TRAPPC6B: variants seen among roughly 807,000 people sequenced by gnomAD.
TRAPPC6B encodes the protein TRAPP complex subunit 6B.
TRAPPC6B carries 27 observed loss-of-function variants against 24.7 expected under a neutral mutation model. The observed-to-expected ratio is 1.09, with a 90% CI of 0.81 to 1.51. TRAPPC6B has a LOEUF of 1.51. TRAPPC6B is among the 40% of genes most tolerant of loss of function. The pLI is 0.00. For synonymous variants in TRAPPC6B, 80 were observed against 66.6 expected (o/e 1.20, Z -0.98); for missense variants, 212 against 190.8 (o/e 1.11, Z -0.66).
At position 39,150,194 on chromosome 14, in the gene TRAPPC6B, T is replaced by A; in HGVS notation, c.*156A>T. The stretch of plus-strand genomic sequence containing the variant: ...GTTAAGTGTATGTCATGGCAGAATG[T>A]CCCTTCATCTCCTTTGATCTGTGTT... On this transcript the variant is annotated 3_prime_UTR_variant, in exon 6 of 6. Coordinates refer to ENST00000330149, the MANE Select transcript of TRAPPC6B (RefSeq NM_001079537.2). 1.6e-6 allele frequency: 1 copy of A among 624,022 alleles called. No homozygotes were observed. The allele number at this position is 624,022 out of a possible 1,614,324, so 38.7% of individuals were successfully genotyped here.
chr14:39,157,285 G>C (rs1347118868), intron 3 of TRAPPC6B: 1 of 375,926 alleles, frequency 2.7e-6, no homozygotes, highest in Non-Finnish European at 5.1e-6. Context: ...GCAGCTGAAA[G>C]TGCCTCCTAC....
chr14:39,169,940 G>T, intron 1 of TRAPPC6B, 75 bp downstream of exon 1: 1 of 1,471,148 alleles, frequency 6.8e-7, no homozygotes, highest in Non-Finnish European at 9.5e-7. Context: ...ATGGGACAGG[G>T]GTTGAAGGAA....
chr14:39,161,618 A>T (rs7147760), intron 1 of TRAPPC6B, among the ~76,000 whole-genome samples: 129,425 of 152,134 alleles, frequency 0.85, 56,126 homozygotes, highest in East Asian at 0.95. Flanking sequence ...AAGCTCGCTC[A>T]CTCCGTGTCT....
intron 5 of TRAPPC6B, among the ~76,000 whole-genome samples, chr14:39,150,956 A>C (rs185945702): frequency 7.0e-4 from 106 of 152,348 alleles, no homozygotes; most frequent in African/African-American, 2.4e-3. Flanking sequence ...TAAATTGAAA[A>C]GAAATACAAT....
chr14:39,151,270 G>A (rs1472762468), intron 5 of TRAPPC6B, among the ~76,000 whole-genome samples: 1 of 151,220 alleles, frequency 6.6e-6, no homozygotes, highest in Non-Finnish European at 1.5e-5. Flanking sequence ...GGCAACTGTA[G>A]TCCCAGCTAC....
chr14:39,150,797 A>G (rs1328413946), intron 5 of TRAPPC6B, among the ~76,000 whole-genome samples: 1 of 152,004 alleles, frequency 6.6e-6, no homozygotes, highest in East Asian at 1.9e-4. Flanking sequence ...TCGGCCTCCC[A>G]AAGTGCTGAG....
intron 1 of TRAPPC6B, among the ~76,000 whole-genome samples, chr14:39,168,229 A>AC (rs1491372620): frequency 7.0e-6 from 1 of 143,562 alleles, no homozygotes; most frequent in Non-Finnish European, 1.6e-5. Flanking sequence ...AAAAAAAAAA[A>AC]AGAGAGAGAG....
chr14:39,151,282 C>T (rs1210172243), intron 5 of TRAPPC6B, among the ~76,000 whole-genome samples: 1 of 148,088 alleles, frequency 6.8e-6, no homozygotes, highest in Non-Finnish European at 1.5e-5. Flanking sequence ...CCCAGCTACT[C>T]GGGAGGTTGA....
Position 39,158,398 on chromosome 14 carries a change from T to A in TRAPPC6B, c.154A>T (p.Thr52Ser). ...TCCTTGAACCTTGCAGTATCTTTTG[T>A]AAACCTAAAAAGATCAACTAGAAGT... Reference protein sequence around the residue: ...RVGQGLIERFTKDTARFKDEL... With the variant: ...RVGQGLIERFSKDTARFKDEL... Residue 52 changes from threonine to serine, a missense_variant, in exon 3 of 6, where the codon ACA (threonine) becomes TCA (serine). Transcript: ENST00000330149. 1 of 1,561,746 alleles carries A rather than the reference T, an allele frequency of 6.4e-7. No homozygotes were observed. Among genetic ancestry groups the A allele is most frequent in the Non-Finnish European group, 8.7e-7 (1 of 1,150,910 alleles).
At chr14:39,156,374 A>G (rs1443293238) in intron 3 of TRAPPC6B, among the ~76,000 whole-genome samples, 1 of 152,208 alleles carries the variant, frequency 6.6e-6, no homozygotes, top group Non-Finnish European at 1.5e-5. Flanking sequence ...AGATACATTT[A>G]ATTTTTTACT....
intron 3 of TRAPPC6B, chr14:39,157,599 T>C (rs1225720891): frequency 3.2e-5 from 12 of 371,762 alleles, no homozygotes; most frequent in Non-Finnish European, 5.7e-5. Flanking sequence ...TGGGGGTCCC[T>C]TACCGCATTA....
chr14:39,150,450 C>A, intron 5 of TRAPPC6B, 69 bp from the exon 6 acceptor site: 1 of 1,174,244 alleles, frequency 8.5e-7, no homozygotes, highest in South Asian at 1.4e-5. Flanking sequence ...CATCAATTTT[C>A]TGTTCCATAT....
At chr14:39,160,288 A>G (rs1019121774) in intron 1 of TRAPPC6B, among the ~76,000 whole-genome samples, 2 of 152,054 alleles carry the variant, frequency 1.3e-5, no homozygotes, top group Non-Finnish European at 2.9e-5. Flanking sequence ...TTTAATAGAA[A>G]CAAACCCCTC....
chr14:39,163,079 TA>T (rs1379395963), intron 1 of TRAPPC6B, among the ~76,000 whole-genome samples: 1 of 150,634 alleles, frequency 6.6e-6, no homozygotes, highest in African/African-American at 2.5e-5. Context: ...CTAGTGATTT[TA>T]AAAATGTGTT....
At position 39,149,738 on chromosome 14, in the gene TRAPPC6B, ATCTATATT is replaced by A. The variant is rs1254142551; in HGVS notation, c.*604_*611del. The A allele has an allele frequency of 2.6e-5, 4 of 152,176 alleles. No homozygotes were observed. The highest frequency in any genetic ancestry group is 4.4e-5 in the Non-Finnish European group (3 of 68,030). 9.4% of individuals were successfully genotyped at this position (152,176 alleles called of 1,614,324 possible). On this transcript the variant is annotated 3_prime_UTR_variant, in exon 6 of 6. Transcript: ENST00000330149. Reference sequence around the variant, plus strand: ...AGTCACTGAATTCACATTTAAACTAATCTATATTTCATTTTGATTACATTAATGGAGCT... The same window carrying A: ...AGTCACTGAATTCACATTTAAACTAATCATTTTGATTACATTAATGGAGCT...
Position 39,159,483 on chromosome 14 carries a change from C to T in TRAPPC6B, c.149G>A (p.Arg50Lys). 6.3e-7 allele frequency: 1 copy of T among 1,586,806 alleles called. No homozygotes were observed. Among genetic ancestry groups the T allele is most frequent in the East Asian group, 2.3e-5 (1 of 43,610 alleles). Residue 50 changes from arginine (R) to lysine (K), a missense_variant and splice_region_variant, in exon 2 of 6, where the codon AGG (arginine) becomes AAG (lysine). Transcript: ENST00000330149. Reference protein sequence around the residue: ...GFRVGQGLIERFTKDTARFKD... With the variant: ...GFRVGQGLIEKFTKDTARFKD... ...AAATTTTCAAATCCAACCTGCTCAC[C>T]TTTCTATCAATCCTTGTCCCACTCG...
intron 1 of TRAPPC6B, among the ~76,000 whole-genome samples, chr14:39,161,248 T>C (rs1490961181): frequency 6.6e-6 from 1 of 152,246 alleles, no homozygotes; most frequent in South Asian, 2.1e-4. Context: ...TAGCTCCAAA[T>C]GTTAAACACT....
chr14:39,159,353 T>C, intron 2 of TRAPPC6B, 130 bp downstream of exon 2: 1 of 519,288 alleles, frequency 1.9e-6, no homozygotes, highest in Middle Eastern at 3.0e-4. Context: ...GAAATTTTAA[T>C]TTTTGAAGTA....
At chr14:39,153,749 T>G (rs1409905257) in intron 4 of TRAPPC6B, among the ~76,000 whole-genome samples, 1 of 150,468 alleles carries the variant, frequency 6.6e-6, no homozygotes, top group East Asian at 1.9e-4. Context: ...TACCCCAGGC[T>G]GGAGTGCAAT....
Sources: gnomAD v4.1 joint callset for allele counts (sites outside exome capture counted in the v4.1 genomes callset) on GRCh38, gnomAD v4.1.1 for gene constraint, MANE v1.5 for transcripts, NCBI Gene and HGNC (gene_info 2026-07-23, HGNC 2026-07-21) for gene names.